RNLS: variants seen among roughly 807,000 people sequenced by gnomAD.
The protein encoded by RNLS is renalase.
RNLS carries 39 observed loss-of-function variants against 39.8 expected under a neutral mutation model. The observed-to-expected ratio is 0.98, with a 90% CI of 0.76 to 1.28. The LOEUF (loss-of-function observed/expected upper bound fraction) is 1.28. RNLS is among the 50% of genes most tolerant of loss of function. The pLI, the probability that RNLS is intolerant of heterozygous loss-of-function variation, is 0.00. For synonymous variants in RNLS, 147 were observed against 150.7 expected, an observed-to-expected ratio of 0.98 and a Z score of 0.18; for missense variants, 410 against 413.3, an observed-to-expected ratio of 0.99 and a Z score of 0.07.
chr10:88,459,018 C>A (rs1023715555), intron 4 of RNLS, among the ~76,000 whole-genome samples: 1 of 152,130 alleles, frequency 6.6e-6, no homozygotes. Flanking sequence ...ATGCTTCCAA[C>A]ACTTTTTCAT....
At position 88,284,455 on chromosome 10, in the gene RNLS, T is replaced by C; in HGVS notation, c.*899A>G. On this transcript the variant is annotated 3_prime_UTR_variant, in exon 7 of 7. Transcript: ENST00000331772. ...GGGTCAGGTCACTGAAGCATGTGGGTGATATGCTGAACCACCAACTTGGCA... is the reference window on the plus strand; with the variant it reads ...GGGTCAGGTCACTGAAGCATGTGGGCGATATGCTGAACCACCAACTTGGCA... The C allele has an allele frequency of 2.0e-6, 2 of 985,284 alleles. No individual in the cohort carries two copies. The highest frequency in any genetic ancestry group is 2.4e-6 in the Non-Finnish European group (2 of 829,876). 61.0% of individuals were successfully genotyped at this position (985,284 alleles called of 1,614,324 possible).
At chr10:88,184,146 C>T in the RNLS span, among the ~76,000 whole-genome samples, 2 of 152,112 alleles carry the variant, frequency 1.3e-5, no homozygotes, top group African/African-American at 4.8e-5. Flanking sequence ...TGTTCTTCAT[C>T]AGCACAGACA....
chr10:88,226,479 A>T, the RNLS span, among the ~76,000 whole-genome samples: 1 of 152,156 alleles, frequency 6.6e-6, no homozygotes, highest in African/African-American at 2.4e-5. Flanking sequence ...TTGGAGAGAG[A>T]TATTTTTTGA....
chr10:88,578,525 T>C (rs1484688129), intron 3 of RNLS, among the ~76,000 whole-genome samples: 5 of 152,072 alleles, frequency 3.3e-5, no homozygotes, highest in East Asian at 1.9e-4. Context: ...CTATAGATAA[T>C]AGATCGGGGT....
the RNLS span, among the ~76,000 whole-genome samples, chr10:88,246,437 A>G: frequency 6.6e-6 from 1 of 152,184 alleles, no homozygotes; most frequent in Non-Finnish European, 1.5e-5. Flanking sequence ...AAATAAGCAC[A>G]TAGGACATGC....
chr10:88,376,003 G>A (rs148258086), intron 4 of RNLS, among the ~76,000 whole-genome samples: 3 of 152,208 alleles, frequency 2.0e-5, no homozygotes. Flanking sequence ...GCAGACATAA[G>A]GTCTCTCACG....
At chr10:88,245,485 C>T in the RNLS span, among the ~76,000 whole-genome samples, 4 of 152,230 alleles carry the variant, frequency 2.6e-5, no homozygotes, top group South Asian at 4.1e-4. Context: ...GCCGCAGAAA[C>T]GTCTTTTCAT....
At chr10:88,549,452 G>A (rs1324286378) in intron 4 of RNLS, among the ~76,000 whole-genome samples, 1 of 151,750 alleles carries the variant, frequency 6.6e-6, no homozygotes, top group Non-Finnish European at 1.5e-5. Context: ...TATAGTCCCA[G>A]CTACTCGGGA....
the RNLS span, among the ~76,000 whole-genome samples, chr10:88,218,058 A>G: frequency 6.6e-6 from 1 of 151,580 alleles, no homozygotes; most frequent in Non-Finnish European, 1.5e-5. Flanking sequence ...AAAACAAGGA[A>G]AAAAAAAATA....
At chr10:88,370,688 T>C (rs1477024502) in intron 4 of RNLS, among the ~76,000 whole-genome samples, 4 of 152,160 alleles carry the variant, frequency 2.6e-5, no homozygotes, top group Non-Finnish European at 5.9e-5. Flanking sequence ...ACAAGGACAA[T>C]AGTATCTTAG....
the RNLS span, among the ~76,000 whole-genome samples, chr10:88,178,534 TG>T: frequency 6.6e-6 from 1 of 152,142 alleles, no homozygotes; most frequent in Non-Finnish European, 1.5e-5. Flanking sequence ...TTCCCTGCAG[TG>T]GGGAATCCCT....
chr10:88,486,843 C>A (rs1167228759), intron 4 of RNLS, among the ~76,000 whole-genome samples: 1 of 152,142 alleles, frequency 6.6e-6, no homozygotes, highest in East Asian at 1.9e-4. Flanking sequence ...TCATTCAACC[C>A]AGCAATCCCA....
rs532375650 is a variant in RNLS at position 88,571,202 on chromosome 10, G to A, written c.526+1701C>T. Among the ~76,000 whole-genome samples the A allele has an allele frequency of 5.3e-5, 8 of 151,650 alleles. No homozygotes were observed. In the East Asian group the frequency reaches 5.8e-4, roughly 11 times the overall value. ...TTGCTATATTTCCCAGGCTGACCTC[G>A]AACACCTGGGCTCAAGCAACCCTCC... On this transcript the variant is annotated intron_variant, in intron 4 of 6. Transcript: ENST00000331772.
rs118113849 is a variant in RNLS at position 88,347,119 on chromosome 10, C to T, written c.700+15433G>A. 8.0e-3 allele frequency among the ~76,000 whole-genome samples: 1,224 copies of T among 152,266 alleles called. 19 individuals are homozygous for T. Among genetic ancestry groups the T allele is most frequent in the South Asian group, 0.029 (139 of 4,830 alleles). On this transcript the variant is annotated intron_variant, in intron 5 of 6. Transcript: ENST00000331772. ...ACTGTTTCCCAGGACCTGAGGCTCA[C>T]AAGCAGTCTGTGATTTACGCAGTTT... is the stretch of plus-strand genomic sequence containing the variant.
the RNLS span, among the ~76,000 whole-genome samples, chr10:88,235,267 CAAAA>C: frequency 0.018 from 1,132 of 61,884 alleles, 5 homozygotes; most frequent in African/African-American, 0.079. Context: ...GACTCTATCT[CAAAA>C]AAAAAAAAAA....
intron 4 of RNLS, among the ~76,000 whole-genome samples, chr10:88,395,057 G>A (rs941156367): frequency 2.6e-5 from 4 of 151,926 alleles, no homozygotes; most frequent in South Asian, 2.1e-4. Flanking sequence ...GTGGGGGGAC[G>A]GGAGAGGGAT....
At chr10:88,224,797 T>C in the RNLS span, among the ~76,000 whole-genome samples, 1 of 152,214 alleles carries the variant, frequency 6.6e-6, no homozygotes, top group Non-Finnish European at 1.5e-5. Context: ...ATGCATGTAA[T>C]TCAAATGATA....
intron 6 of RNLS, among the ~76,000 whole-genome samples, chr10:88,306,088 T>C (rs1232225742): frequency 1.3e-5 from 2 of 152,024 alleles, no homozygotes; most frequent in Non-Finnish European, 2.9e-5. Context: ...TCTGGGTAAA[T>C]AATGAAATAA....
At chr10:88,382,625 T>C (rs1371522913) in intron 4 of RNLS, among the ~76,000 whole-genome samples, 5 of 152,144 alleles carry the variant, frequency 3.3e-5, no homozygotes, top group African/African-American at 1.2e-4. Flanking sequence ...ACTATTAGCT[T>C]TTTGGTGAGA....
Sources: allele counts gnomAD v4.1 joint callset (sites outside exome capture counted in the v4.1 genomes callset), GRCh38; gene constraint gnomAD v4.1.1; transcripts MANE v1.5; gene names NCBI Gene and HGNC (gene_info 2026-07-23, HGNC 2026-07-21).